The following DOCK3 variants were observed in gnomAD, a reference collection of about 807,000 sequenced individuals.
The protein encoded by DOCK3 is dedicator of cytokinesis protein 3.
In DOCK3, 60 loss-of-function variants were observed where a neutral mutation model predicts 265.6. The ratio of observed to expected loss-of-function variants is 0.23; its 90% CI spans 0.18 to 0.28. The LOEUF (loss-of-function observed/expected upper bound fraction) is 0.28, where lower values mean the gene tolerates loss of function less well. DOCK3 is among the 10% of genes least tolerant of loss of function. DOCK3 has a pLI of 1.00. For missense variants in DOCK3, 1,981 were observed against 2,594.3 expected (o/e 0.76, Z 5.14); for synonymous variants, 881 against 938.0 (o/e 0.94, Z 1.11).
intron 27 of DOCK3, among the ~76,000 whole-genome samples, chr3:51,305,749 T>TGTGTGTGC: frequency 6.7e-6 from 1 of 150,330 alleles, no homozygotes; most frequent in Non-Finnish European, 1.5e-5. Context: ...TGTGTGTGTG[T>TGTGTGTGC]GTGTGTGTGT....
At chr3:51,271,124 C>A (rs1426629156) in intron 24 of DOCK3, 117 bp downstream of exon 24, 2 of 1,197,662 alleles carry the variant, frequency 1.7e-6, no homozygotes, top group African/African-American at 3.1e-5. Context: ...TGCAAGAAAC[C>A]AGTAACCCTT....
At chr3:51,187,704 C>T (rs1012855996) in intron 12 of DOCK3, among the ~76,000 whole-genome samples, 2 of 149,022 alleles carry the variant, frequency 1.3e-5, no homozygotes, top group Non-Finnish European at 3.0e-5. Context: ...ATGAATGGGT[C>T]TCTTGAGATC....
chr3:50,748,537 T>C (rs2039596850), intron 1 of DOCK3, among the ~76,000 whole-genome samples: 3 of 152,172 alleles, frequency 2.0e-5, no homozygotes, highest in African/African-American at 4.8e-5. Context: ...CCAAAGTGCT[T>C]GTTGTTGGTA....
At chr3:50,955,399 G>T (rs1337115431) in intron 5 of DOCK3, among the ~76,000 whole-genome samples, 1 of 152,158 alleles carries the variant, frequency 6.6e-6, no homozygotes, top group African/African-American at 2.4e-5. Flanking sequence ...GTTCATTGCA[G>T]TGCCATTCAC....
intron 9 of DOCK3, among the ~76,000 whole-genome samples, chr3:51,095,851 CAAAAAA>C (rs71278627): frequency 9.4e-3 from 92 of 9,806 alleles, no homozygotes; most frequent in African/African-American, 0.036. Flanking sequence ...ATAAGGTTAG[CAAAAAA>C]AAAAAAAAAA....
chr3:50,804,555 G>T (rs896097860), intron 2 of DOCK3, among the ~76,000 whole-genome samples: 1 of 152,146 alleles, frequency 6.6e-6, no homozygotes, highest in East Asian at 1.9e-4. Context: ...CGGCTAACAC[G>T]GCGAAACCCC....
intron 1 of DOCK3, among the ~76,000 whole-genome samples, chr3:50,765,490 G>A (rs893417585): frequency 2.0e-5 from 3 of 152,038 alleles, no homozygotes; most frequent in Non-Finnish European, 4.4e-5. Flanking sequence ...ATAAAGTATA[G>A]GCCTGAAAAT....
chr3:50,907,797 A>G (rs1348382024), intron 4 of DOCK3, among the ~76,000 whole-genome samples: 1 of 152,050 alleles, frequency 6.6e-6, no homozygotes, highest in Non-Finnish European at 1.5e-5. Context: ...TGTCATTATG[A>G]TGTTAGCTGG....
intron 4 of DOCK3, among the ~76,000 whole-genome samples, chr3:50,910,155 G>T (rs900977998): frequency 6.6e-6 from 1 of 151,878 alleles, no homozygotes; most frequent in African/African-American, 2.4e-5. Flanking sequence ...CTTTGCATTG[G>T]GTTAGGACAT....
At position 51,356,186 on chromosome 3, in the gene DOCK3, C is replaced by A; in HGVS notation, c.4347C>A (p.Asn1449Lys). The change falls in exon 42 of 53, where the codon AAC (asparagine) becomes AAA (lysine). Residue 1449 changes from asparagine to lysine, a missense_variant. Coordinates refer to ENST00000266037, the MANE Select transcript of DOCK3 (RefSeq NM_004947.5). ...GAGTCAAGAGCTTCTATCGCGTCAA[C>A]AATGTGAGGAAGTTCCGGTATGACA... is the stretch of plus-strand genomic sequence containing the variant. ...PDRVKSFYRV[N>K]NVRKFRYDRP... 1.2e-6 allele frequency: 2 copies of A among 1,613,980 alleles called. No homozygotes were observed. The highest frequency in any genetic ancestry group is 1.7e-6 in the Non-Finnish European group (2 of 1,179,886).
intron 35 of DOCK3, chr3:51,336,788 A>C: frequency 2.3e-6 from 1 of 440,514 alleles, no homozygotes; most frequent in Non-Finnish European, 4.6e-6. Context: ...TGTTTAAGGG[A>C]CTTAGCTATG....
intron 32 of DOCK3, among the ~76,000 whole-genome samples, chr3:51,322,661 A>G (rs1052433085): frequency 2.0e-5 from 3 of 152,196 alleles, no homozygotes; most frequent in Admixed American, 6.5e-5. Flanking sequence ...AGCACTAAAT[A>G]TGGAAAGGAG....
intron 4 of DOCK3, among the ~76,000 whole-genome samples, chr3:50,921,428 T>A (rs920064166): frequency 2.0e-5 from 3 of 152,190 alleles, no homozygotes; most frequent in African/African-American, 7.2e-5. Context: ...TCTATGCTGT[T>A]TATTCTAGTT....
At position 51,208,195 on chromosome 3, in the gene DOCK3, C is replaced by G. The variant is rs1321698912; in HGVS notation, c.1038-579C>G. On this transcript the variant is annotated intron_variant, in intron 12 of 52. Coordinates refer to ENST00000266037, the MANE Select transcript of DOCK3 (RefSeq NM_004947.5). ...AGGCATCCAGCTTTGTCTGCTAAGT[C>G]CTCCTTCCCCCTGACCACAGAAGAC... Among the ~76,000 whole-genome samples, 4 of 152,314 alleles carry G rather than the reference C, an allele frequency of 2.6e-5. No individual in the cohort carries two copies. In the East Asian group the frequency reaches 7.7e-4, roughly 29 times the overall value.
chr3:50,787,138 C>A, intron 2 of DOCK3: 1 of 686,194 alleles, frequency 1.5e-6, no homozygotes, highest in South Asian at 1.5e-5. Flanking sequence ...TTTTCACAGT[C>A]TGTTTGCCGG....
chr3:50,678,497 A>C (rs1403601051), intron 1 of DOCK3, among the ~76,000 whole-genome samples: 3 of 152,204 alleles, frequency 2.0e-5, no homozygotes, highest in Non-Finnish European at 2.9e-5. Context: ...GCAAGCACCA[A>C]CAGTTTTTAA....
intron 3 of DOCK3, among the ~76,000 whole-genome samples, chr3:50,875,674 T>C (rs1021049103): frequency 6.6e-6 from 1 of 152,160 alleles, no homozygotes; most frequent in African/African-American, 2.4e-5. Context: ...ATGAATGATG[T>C]TTTTGATATG....
At chr3:51,251,767 T>G (rs1035745005) in intron 22 of DOCK3, among the ~76,000 whole-genome samples, 1 of 152,252 alleles carries the variant, frequency 6.6e-6, no homozygotes, top group Non-Finnish European at 1.5e-5. Flanking sequence ...ATTAGCCGTT[T>G]GTCAGATGGA....
chr3:51,274,402 G>C (rs746484919), intron 24 of DOCK3, among the ~76,000 whole-genome samples: 6 of 152,194 alleles, frequency 3.9e-5, no homozygotes, highest in Non-Finnish European at 8.8e-5. Context: ...AGTTCAGTCA[G>C]CGTAGTTCAT....
Sources: gnomAD v4.1 joint callset for allele counts (sites outside exome capture counted in the v4.1 genomes callset) on GRCh38, gnomAD v4.1.1 for gene constraint, MANE v1.5 for transcripts, NCBI Gene and HGNC (gene_info 2026-07-23, HGNC 2026-07-21) for gene names.